RAB31: variants seen among roughly 807,000 people sequenced by gnomAD.
The protein encoded by RAB31 is ras-related protein Rab-31.
RAB31 carries 21 observed loss-of-function variants against 25.6 expected under a neutral mutation model. The ratio of observed to expected loss-of-function variants is 0.82; its 90% CI spans 0.58 to 1.18. The LOEUF (loss-of-function observed/expected upper bound fraction) is 1.18, where lower values mean the gene tolerates loss of function less well. RAB31 is among the 50% of genes most tolerant of loss of function. RAB31 has a pLI of 0.00. For missense variants in RAB31, 196 were observed against 250.1 expected (o/e 0.78, Z 1.46); for synonymous variants, 87 against 84.0 (o/e 1.04, Z -0.20).
intron 1 of RAB31, among the ~76,000 whole-genome samples, chr18:9,761,470 T>G (rs2068288326): frequency 6.6e-6 from 1 of 152,246 alleles, no homozygotes. Flanking sequence ...ACCTAACAGC[T>G]TAAAACAACA....
intron 1 of RAB31, among the ~76,000 whole-genome samples, chr18:9,754,034 A>C (rs2068248502): frequency 6.6e-6 from 1 of 152,010 alleles, no homozygotes; most frequent in Non-Finnish European, 1.5e-5. Flanking sequence ...AAGTAGTCCC[A>C]CCCAAGACAG....
intron 1 of RAB31, among the ~76,000 whole-genome samples, chr18:9,760,165 T>C: frequency 1.9e-5 from 1 of 51,646 alleles, no homozygotes; most frequent in African/African-American, 5.9e-5. Context: ...TTCTTTTCTT[T>C]TTGTTTTTGT....
chr18:9,823,431 C>A (rs1281738421), intron 5 of RAB31, among the ~76,000 whole-genome samples: 1 of 152,032 alleles, frequency 6.6e-6, no homozygotes. Context: ...CTGGAGAAAT[C>A]TGAATAAGAT....
intron 1 of RAB31, among the ~76,000 whole-genome samples, chr18:9,746,703 C>G (rs1480364087): frequency 6.6e-6 from 1 of 152,116 alleles, no homozygotes; most frequent in Non-Finnish European, 1.5e-5. Context: ...TTGGGACAAC[C>G]AGATATCCAC....
At chr18:9,725,007 T>C (rs2068090671) in intron 1 of RAB31, among the ~76,000 whole-genome samples, 1 of 152,170 alleles carries the variant, frequency 6.6e-6, no homozygotes, top group Non-Finnish European at 1.5e-5. Context: ...CTGGGTCGGT[T>C]GGGTGCTAAT....
intron 1 of RAB31, among the ~76,000 whole-genome samples, chr18:9,729,093 C>T (rs1166923097): frequency 6.6e-6 from 1 of 152,064 alleles, no homozygotes; most frequent in Non-Finnish European, 1.5e-5. Context: ...TGTTTTTCCT[C>T]AGTTTGTTGT....
intron 2 of RAB31, among the ~76,000 whole-genome samples, chr18:9,780,954 GA>G (rs2068400701): frequency 7.6e-6 from 1 of 131,768 alleles, no homozygotes; most frequent in African/African-American, 3.5e-5. Context: ...AAACAAAACA[GA>G]ACAAAACAAA....
At chr18:9,782,086 C>T (rs572102073) in intron 2 of RAB31, among the ~76,000 whole-genome samples, 7 of 152,332 alleles carry the variant, frequency 4.6e-5, no homozygotes, top group East Asian at 3.9e-4. Flanking sequence ...GGTGCCACTC[C>T]GCATGGGTGG....
intron 5 of RAB31, among the ~76,000 whole-genome samples, chr18:9,825,922 A>T (rs9965091): frequency 0.01 from 1,573 of 152,278 alleles, 24 homozygotes; most frequent in African/African-American, 0.036. Context: ...GGAAACAGAC[A>T]CTGGGAGCTT....
chr18:9,800,534 C>A (rs532826230), intron 3 of RAB31, among the ~76,000 whole-genome samples: 1 of 152,290 alleles, frequency 6.6e-6, no homozygotes, highest in Middle Eastern at 3.4e-3. Flanking sequence ...GTGGAATTCT[C>A]TGTACTTTTT....
chr18:9,743,221 C>T (rs754508351), intron 1 of RAB31, among the ~76,000 whole-genome samples: 2 of 152,164 alleles, frequency 1.3e-5, no homozygotes, highest in Non-Finnish European at 2.9e-5. Flanking sequence ...TGGTCACCTT[C>T]CCTGTATAGG....
intron 1 of RAB31, among the ~76,000 whole-genome samples, chr18:9,747,526 G>A (rs563578774): frequency 6.6e-6 from 1 of 152,292 alleles, no homozygotes; most frequent in South Asian, 2.1e-4. Flanking sequence ...TTATTCAGCT[G>A]TAAAAATGAA....
At chr18:9,736,749 A>G (rs1378247968) in intron 1 of RAB31, among the ~76,000 whole-genome samples, 1 of 152,188 alleles carries the variant, frequency 6.6e-6, no homozygotes, top group Non-Finnish European at 1.5e-5. Context: ...GTTTCTAGAA[A>G]GCCTTCAGAT....
intron 1 of RAB31, among the ~76,000 whole-genome samples, chr18:9,711,165 C>T (rs2068015162): frequency 6.8e-6 from 1 of 147,768 alleles, no homozygotes; most frequent in Admixed American, 6.7e-5. Flanking sequence ...CTTCGGTTTA[C>T]TCTCTTCTCT....
chr18:9,736,665 G>A (rs1236715621), intron 1 of RAB31, among the ~76,000 whole-genome samples: 2 of 152,152 alleles, frequency 1.3e-5, no homozygotes, highest in East Asian at 3.8e-4. Context: ...AATATCCAAA[G>A]TCAATTCAGC....
At chr18:9,771,600 C>G (rs1347929174) in intron 1 of RAB31, among the ~76,000 whole-genome samples, 2 of 152,190 alleles carry the variant, frequency 1.3e-5, no homozygotes, top group African/African-American at 4.8e-5. Context: ...GAAGGGCATT[C>G]CCAGCGCGGA....
intron 2 of RAB31, among the ~76,000 whole-genome samples, chr18:9,785,523 G>A (rs556736790): frequency 2.6e-5 from 4 of 152,142 alleles, no homozygotes; most frequent in Non-Finnish European, 2.9e-5. Context: ...CCAAACCCTT[G>A]TTATAATCTT....
chr18:9,826,885 G>A (rs554705838), intron 5 of RAB31, among the ~76,000 whole-genome samples: 1 of 152,208 alleles, frequency 6.6e-6, no homozygotes, highest in East Asian at 1.9e-4. Flanking sequence ...AGGAAGAAGA[G>A]CATATCCTAT....
chr18:9,796,138 A>G (rs1156842064), intron 3 of RAB31, among the ~76,000 whole-genome samples: 1 of 152,224 alleles, frequency 6.6e-6, no homozygotes, highest in Non-Finnish European at 1.5e-5. Flanking sequence ...GTAACATACT[A>G]AACATCGTAT....
Sources: gnomAD v4.1 joint callset for allele counts (sites outside exome capture counted in the v4.1 genomes callset) on GRCh38, gnomAD v4.1.1 for gene constraint, MANE v1.5 for transcripts, NCBI Gene and HGNC (gene_info 2026-07-23, HGNC 2026-07-21) for gene names.